The following MED15 variants were observed in gnomAD, a reference collection of about 807,000 sequenced individuals.
MED15 encodes mediator of RNA polymerase II transcription subunit 15.
A neutral mutation model predicts 118.7 loss-of-function variants in MED15; 41 were observed. The ratio of observed to expected loss-of-function variants is 0.35; its 90% confidence interval spans 0.27 to 0.45. The LOEUF (loss-of-function observed/expected upper bound fraction) is 0.45. MED15 is among the 20% of genes least tolerant of loss of function. The pLI, the probability that MED15 is intolerant of heterozygous loss-of-function variation, is 1.00. For synonymous variants in MED15, 436 were observed against 413.9 expected, an observed-to-expected ratio of 1.05 and a Z score of -0.65; for missense variants, 740 against 1,025.5, an observed-to-expected ratio of 0.72 and a Z score of 3.80.
At chr22:20,566,430 A>G in intron 6 of MED15, 37 bp from the exon 7 acceptor site, 1 of 1,604,240 alleles carries the variant, frequency 6.2e-7, no homozygotes, top group Non-Finnish European at 8.5e-7. Flanking sequence ...ACAGAGGCAG[A>G]TGAGTGATAA....
intron 9 of MED15, 77 bp downstream of exon 9, chr22:20,575,309 C>A: frequency 6.6e-7 from 1 of 1,522,784 alleles, no homozygotes; most frequent in South Asian, 1.2e-5. Context: ...GCGCACCTGT[C>A]ATTATCATCG....
At chr22:20,565,664 C>T (rs1233745378) in intron 6 of MED15, among the ~76,000 whole-genome samples, 1 of 152,172 alleles carries the variant, frequency 6.6e-6, no homozygotes, top group Non-Finnish European at 1.5e-5. Flanking sequence ...GACAGTGCAT[C>T]TGCAGCCACA....
chr22:20,535,660 T>C lies in MED15; in HGVS notation c.69-1457T>C, dbSNP rs370303928. 7.3e-4 allele frequency among the ~76,000 whole-genome samples: 107 copies of C among 147,226 alleles called. 1 individual carries two copies. The highest frequency in any genetic ancestry group is 1.5e-3 in the East Asian group (7 of 4,764). ...CTGCCAGCTCCGCCTCCCGGGTTCA[T>C]GCCATTCTCCTGCCTCAGCCTCCCG... On this transcript the variant is annotated intron_variant, in intron 1 of 17. Coordinates refer to ENST00000263205, the MANE Select transcript of MED15 (RefSeq NM_001003891.3).
chr22:20,536,799 C>T (rs532607999), intron 1 of MED15, among the ~76,000 whole-genome samples: 5 of 152,172 alleles, frequency 3.3e-5, no homozygotes, highest in Non-Finnish European at 7.4e-5. Flanking sequence ...TGCGTACTTC[C>T]TTGATCCTGA....
intron 1 of MED15, among the ~76,000 whole-genome samples, chr22:20,508,832 A>G (rs1424365940): frequency 6.6e-6 from 1 of 152,178 alleles, no homozygotes; most frequent in Non-Finnish European, 1.5e-5. Flanking sequence ...CAGAGGCCTG[A>G]CAGTTTTTAA....
In MED15 at chr22:20,513,426, C is replaced by G. The variant is rs1601434104; in HGVS notation, c.68+5680C>G. On this transcript the variant is annotated intron_variant, in intron 1 of 17. Transcript: ENST00000263205. ...CCAGAGTAGCTGGGATTACAGGCAC[C>G]CGCCACCACTCCTGGCTAATTTTTG... 1.3e-5 allele frequency among the ~76,000 whole-genome samples: 2 copies of G among 151,710 alleles called. 1 individual carries two copies. Among genetic ancestry groups the G allele is most frequent in the South Asian group, 4.2e-4 (2 of 4,782 alleles).
At chr22:20,524,845 C>G (rs943631955) in intron 1 of MED15, among the ~76,000 whole-genome samples, 1 of 152,118 alleles carries the variant, frequency 6.6e-6, no homozygotes, top group African/African-American at 2.4e-5. Context: ...GAACTCCTGA[C>G]CTCGTGATCC....
chr22:20,585,287 G>A lies in MED15; in HGVS notation c.2131+20G>A. The A allele has an allele frequency of 6.2e-7, 1 of 1,608,822 alleles. No individual in the cohort carries two copies. Among genetic ancestry groups the A allele is most frequent in the Non-Finnish European group, 8.5e-7 (1 of 1,176,548 alleles). On this transcript the variant is annotated intron_variant, in intron 16 of 17. Coordinates refer to ENST00000263205, the MANE Select transcript of MED15 (RefSeq NM_001003891.3). ...AGCTGGGTGAGTGTCCAGAGGGCCG[G>A]GACTGGTGTGGGAAAGCAGGCCCTG... is the stretch of plus-strand genomic sequence containing the variant.
At chr22:20,583,567 C>A in intron 13 of MED15, 174 bp downstream of exon 13, 1 of 712,178 alleles carries the variant, frequency 1.4e-6, no homozygotes. Flanking sequence ...GCCCAGGCTT[C>A]ATCTTGGCCC....
intron 1 of MED15, chr22:20,508,001 C>T (rs1313269059): frequency 2.8e-6 from 4 of 1,422,522 alleles, no homozygotes; most frequent in East Asian, 5.1e-5. Context: ...TGAGCTTTCT[C>T]ATTCGTCATT....
At chr22:20,583,284 G>T (rs1289774819) in intron 12 of MED15, 37 bp downstream of exon 12, 2 of 1,613,418 alleles carry the variant, frequency 1.2e-6, no homozygotes, top group Admixed American at 1.7e-5. Flanking sequence ...GCACCCTGGG[G>T]ACACCACCAG....
intron 1 of MED15, among the ~76,000 whole-genome samples, chr22:20,517,418 G>A (rs1043344904): frequency 5.3e-5 from 8 of 152,182 alleles, no homozygotes; most frequent in Admixed American, 2.0e-4. Flanking sequence ...CCTGCTCTGT[G>A]TCCAGTTTGT....
Position 20,549,157 on chromosome 22 carries a change from G to C in MED15, c.157-2279G>C, listed in dbSNP as rs1044927587. Among the ~76,000 whole-genome samples the C allele has an allele frequency of 2.0e-5, 3 of 152,182 alleles. No individual in the cohort carries two copies. The East Asian group carries it at 5.8e-4, about 29-fold the overall frequency. On this transcript the variant is annotated intron_variant, in intron 2 of 17. Coordinates refer to ENST00000263205, the MANE Select transcript of MED15 (RefSeq NM_001003891.3). ...TATCTGTAAACTGGATGTGTTAGTA[G>C]TACCTGCCTCTGGGTGGTTGGGAGA...
rs562293320 is a variant in MED15, at chr22:20,539,479, C to T, written c.156+2275C>T. On this transcript the variant is annotated intron_variant, in intron 2 of 17. Transcript: ENST00000263205. Reference sequence around the variant, plus strand: ...CCATATCACATATTTTATAGCCATTCGTTAGTTGGTGGACATTTACATAGT... The same window carrying T: ...CCATATCACATATTTTATAGCCATTTGTTAGTTGGTGGACATTTACATAGT... Among the ~76,000 whole-genome samples the T allele has an allele frequency of 8.5e-5, 13 of 152,234 alleles. No homozygotes were observed. In the South Asian group the frequency reaches 2.5e-3, roughly 29 times the overall value.
intron 6 of MED15, 33 bp downstream of exon 6, chr22:20,564,721 C>T (rs368719131): frequency 3.4e-5 from 55 of 1,613,120 alleles, no homozygotes; most frequent in Middle Eastern, 1.7e-4. Context: ...TCTTGGCCTC[C>T]CTCCTGCAGC....
At chr22:20,564,413 C>T (rs1161751893) in intron 5 of MED15, 37 bp from the exon 6 acceptor site, 1 of 1,611,416 alleles carries the variant, frequency 6.2e-7, no homozygotes, top group South Asian at 1.1e-5. Flanking sequence ...TGGGAATCTG[C>T]CCTGTGGACT....
chr22:20,561,128 C>G (rs953710794), intron 5 of MED15, among the ~76,000 whole-genome samples: 5 of 151,606 alleles, frequency 3.3e-5, no homozygotes, highest in African/African-American at 1.2e-4. Flanking sequence ...AATTTAAGAT[C>G]AATAGAAAAA....
intron 1 of MED15, among the ~76,000 whole-genome samples, chr22:20,536,848 GC>G (rs1191059070): frequency 6.6e-6 from 1 of 152,008 alleles, no homozygotes; most frequent in African/African-American, 2.4e-5. Flanking sequence ...CCCCTCCCCC[GC>G]CCCGTCCCTT....
chr22:20,565,039 C>T (rs1384271476), intron 6 of MED15, among the ~76,000 whole-genome samples: 1 of 152,188 alleles, frequency 6.6e-6, no homozygotes, highest in Non-Finnish European at 1.5e-5. Flanking sequence ...GCAGGAGAAT[C>T]GCTAGAACCT....
Sources: gnomAD v4.1 joint callset for allele counts (sites outside exome capture counted in the v4.1 genomes callset) on GRCh38, gnomAD v4.1.1 for gene constraint, MANE v1.5 for transcripts, NCBI Gene and HGNC (gene_info 2026-07-23, HGNC 2026-07-21) for gene names.